The following CLSTN2 variants were observed in gnomAD, a reference collection of about 807,000 sequenced individuals.
CLSTN2 encodes calsyntenin 2.
Under a neutral mutation model 101.2 loss-of-function variants are expected in CLSTN2, and 48 were observed. The ratio of observed to expected loss-of-function variants is 0.47; its 90% CI spans 0.38 to 0.60. The LOEUF is 0.60. Among genes scored for constraint, CLSTN2 ranks in the 20% least tolerant of loss-of-function variants. CLSTN2 has a pLI of 0.00. For synonymous variants in CLSTN2, 481 were observed against 463.6 expected (o/e 1.04, Z -0.48); for missense variants, 1,160 against 1,238.2 (o/e 0.94, Z 0.95).
chr3:140,403,338 A>G (rs1360639770), intron 2 of CLSTN2, among the ~76,000 whole-genome samples: 1 of 152,194 alleles, frequency 6.6e-6, no homozygotes, highest in Non-Finnish European at 1.5e-5. Flanking sequence ...TGATTAAACC[A>G]GGAGTAAAGG....
chr3:140,392,260 G>A (rs1308524787), intron 2 of CLSTN2, among the ~76,000 whole-genome samples: 1 of 150,558 alleles, frequency 6.6e-6, no homozygotes, highest in Non-Finnish European at 1.5e-5. Flanking sequence ...AATATATGTT[G>A]TTTAACCCCA....
intron 1 of CLSTN2, among the ~76,000 whole-genome samples, chr3:140,081,175 G>C (rs554729030): frequency 4.3e-4 from 65 of 152,316 alleles, no homozygotes; most frequent in African/African-American, 1.4e-3. Context: ...ATTCACGGGG[G>C]AAATTTTGAA....
chr3:140,566,476 A>T lies in CLSTN2; in HGVS notation c.*223A>T. On this transcript the variant is annotated 3_prime_UTR_variant, in exon 17 of 17. Transcript: ENST00000458420. ...GCCATCAGTGAGGACTTCAGGGTAG[A>T]CTTTGTCCTGTAGCCTCCACTTCTG... The T allele has an allele frequency of 1.7e-6, 1 of 576,920 alleles. No individual in the cohort carries two copies. The highest frequency in any genetic ancestry group is 2.2e-5 in the South Asian group (1 of 45,486). The allele number at this position is 576,920 out of a possible 1,614,324, so 35.7% of individuals were successfully genotyped here. A position where few individuals can be genotyped will look rare whatever the true frequency, so the allele number is the denominator to read the frequency against.
chr3:140,389,348 C>T (rs2088087476), intron 2 of CLSTN2, among the ~76,000 whole-genome samples: 1 of 152,190 alleles, frequency 6.6e-6, no homozygotes, highest in African/African-American at 2.4e-5. Flanking sequence ...TCCATGTGTT[C>T]TCATTGTTCA....
chr3:140,382,728 A>G (rs74397766), intron 2 of CLSTN2, among the ~76,000 whole-genome samples: 1 of 152,316 alleles, frequency 6.6e-6, no homozygotes, highest in African/African-American at 2.4e-5. Flanking sequence ...CCAGCCTGGC[A>G]TGGTCAGGCT....
rs115235502 is a variant in CLSTN2 at position 140,191,213 on chromosome 3, C to G, written c.232+15140C>G. On this transcript the variant is annotated intron_variant, in intron 2 of 16. Coordinates refer to ENST00000458420, the MANE Select transcript of CLSTN2 (RefSeq NM_022131.3). ...TTTTTAGTTTGTTAATATAATAACA[C>G]TGATTGATTTTCAAATGTTGAATCA... Among the ~76,000 whole-genome samples the G allele has an allele frequency of 7.6e-3, 1,163 of 152,096 alleles. 14 individuals are homozygous for G. The highest frequency in any genetic ancestry group is 0.026 in the African/African-American group (1,082 of 41,542).
At chr3:140,141,353 C>T (rs1219722521) in intron 1 of CLSTN2, among the ~76,000 whole-genome samples, 3 of 152,196 alleles carry the variant, frequency 2.0e-5, no homozygotes, top group African/African-American at 7.2e-5. Context: ...ATGGAAACTG[C>T]TTGCCATCAG....
intron 2 of CLSTN2, among the ~76,000 whole-genome samples, chr3:140,223,350 A>C (rs1188249753): frequency 6.6e-6 from 1 of 152,168 alleles, no homozygotes; most frequent in Admixed American, 6.5e-5. Context: ...TGCCTAGCTA[A>C]GTCTTTGTTG....
At chr3:140,526,027 C>T (rs1559894516) in intron 8 of CLSTN2, among the ~76,000 whole-genome samples, 1 of 152,042 alleles carries the variant, frequency 6.6e-6, no homozygotes, top group Non-Finnish European at 1.5e-5. Context: ...AAGACAAGGA[C>T]ACCTATTCTC....
intron 2 of CLSTN2, among the ~76,000 whole-genome samples, chr3:140,282,597 C>T (rs2086858511): frequency 6.9e-6 from 1 of 145,370 alleles, no homozygotes; most frequent in Admixed American, 7.3e-5. Context: ...AGAAACTTGT[C>T]TGTGACTTTC....
chr3:140,415,215 G>C (rs984586632), intron 4 of CLSTN2, among the ~76,000 whole-genome samples: 2 of 151,908 alleles, frequency 1.3e-5, no homozygotes, highest in African/African-American at 4.8e-5. Context: ...TTACACATAA[G>C]ACCTGAAACT....
At chr3:140,468,202 A>G (rs566332316) in intron 8 of CLSTN2, among the ~76,000 whole-genome samples, 4 of 152,250 alleles carry the variant, frequency 2.6e-5, no homozygotes, top group African/African-American at 4.8e-5. Flanking sequence ...TATGTCCTAA[A>G]GTGCCATATG....
intron 1 of CLSTN2, among the ~76,000 whole-genome samples, chr3:140,113,810 A>G (rs2009195227): frequency 6.6e-6 from 1 of 152,212 alleles, no homozygotes; most frequent in Admixed American, 6.5e-5. Flanking sequence ...GGTTGAGCAA[A>G]AAGATCCATT....
chr3:140,486,907 G>C (rs1247656469), intron 8 of CLSTN2, among the ~76,000 whole-genome samples: 1 of 152,150 alleles, frequency 6.6e-6, no homozygotes, highest in Non-Finnish European at 1.5e-5. Context: ...TCTGAGTTTT[G>C]GACCTGGGAA....
chr3:140,365,152 G>A (rs2087771788), intron 2 of CLSTN2, among the ~76,000 whole-genome samples: 2 of 152,160 alleles, frequency 1.3e-5, no homozygotes, highest in African/African-American at 4.8e-5. Context: ...CCCTCAGCAA[G>A]GACTAGGCTA....
intron 1 of CLSTN2, among the ~76,000 whole-genome samples, chr3:140,046,474 C>G (rs531735107): frequency 9.2e-5 from 14 of 152,222 alleles, no homozygotes; most frequent in African/African-American, 3.4e-4. Flanking sequence ...TCCAATTTGC[C>G]AGTCTGTGTC....
At chr3:140,346,147 T>G (rs936430620) in intron 2 of CLSTN2, among the ~76,000 whole-genome samples, 1 of 152,184 alleles carries the variant, frequency 6.6e-6, no homozygotes, top group African/African-American at 2.4e-5. Context: ...CCCCTAGGCT[T>G]GCAAATGTTC....
At chr3:139,948,715 A>C (rs1265605166) in intron 1 of CLSTN2, among the ~76,000 whole-genome samples, 4 of 152,134 alleles carry the variant, frequency 2.6e-5, no homozygotes, top group African/African-American at 9.7e-5. Context: ...TCTCTCTTTC[A>C]TCCAGTTCTA....
intron 1 of CLSTN2, among the ~76,000 whole-genome samples, chr3:140,175,206 AT>A (rs923209066): frequency 6.6e-6 from 1 of 151,964 alleles, no homozygotes; most frequent in African/African-American, 2.4e-5. Flanking sequence ...ATATCAATGT[AT>A]TTTTTTTATG....
Sources: allele counts gnomAD v4.1 joint callset (sites outside exome capture counted in the v4.1 genomes callset), GRCh38; gene constraint gnomAD v4.1.1; transcripts MANE v1.5; gene names NCBI Gene and HGNC (gene_info 2026-07-23, HGNC 2026-07-21).